The following CNTNAP2 variants were observed in gnomAD, a reference collection of about 807,000 sequenced individuals.
CNTNAP2 encodes the protein contactin associated protein 2, also known as contactin-associated protein-like 2.
CNTNAP2 carries 98 observed loss-of-function variants against 155.2 expected under a neutral mutation model. The observed-to-expected ratio is 0.63, with a 90% CI of 0.54 to 0.75. The LOEUF is 0.75. CNTNAP2 is among the 30% of genes least tolerant of loss of function. The pLI is 0.00. For synonymous variants in CNTNAP2, 651 were observed against 631.2 expected (o/e 1.03, Z -0.47); for missense variants, 1,727 against 1,688.1 (o/e 1.02, Z -0.40).
At chr7:146,877,787 T>C (rs1795460153) in intron 3 of CNTNAP2, among the ~76,000 whole-genome samples, 1 of 152,024 alleles carries the variant, frequency 6.6e-6, no homozygotes, top group South Asian at 2.1e-4. Context: ...TTTCATGATG[T>C]CACCTTCCAT....
chr7:147,673,655 G>C (rs1053111160), intron 13 of CNTNAP2, among the ~76,000 whole-genome samples: 17 of 152,124 alleles, frequency 1.1e-4, no homozygotes, highest in African/African-American at 4.1e-4. Context: ...TGATGATGTT[G>C]GTAACACTCT....
chr7:146,523,537 T>C (rs969278655), intron 1 of CNTNAP2, among the ~76,000 whole-genome samples: 1 of 151,208 alleles, frequency 6.6e-6, no homozygotes, highest in Non-Finnish European at 1.5e-5. Context: ...CCTTAATCTA[T>C]TTTTTTTTAC....
At chr7:147,319,295 C>G (rs181549271) in intron 9 of CNTNAP2, among the ~76,000 whole-genome samples, 309 of 152,162 alleles carry the variant, frequency 2.0e-3, no homozygotes, top group African/African-American at 7.1e-3. Context: ...AAGTTAATCT[C>G]TTGTGTTATG....
At chr7:146,834,423 TAC>T (rs1357832725) in intron 2 of CNTNAP2, among the ~76,000 whole-genome samples, 1 of 151,712 alleles carries the variant, frequency 6.6e-6, no homozygotes, top group East Asian at 1.9e-4. Context: ...CACCATATAC[TAC>T]ACACACGCAA....
intron 9 of CNTNAP2, among the ~76,000 whole-genome samples, chr7:147,326,981 G>T (rs1795472961): frequency 6.6e-6 from 1 of 152,164 alleles, no homozygotes; most frequent in Admixed American, 6.5e-5. Flanking sequence ...ATACAAGAAT[G>T]TATGACAAAA....
chr7:147,925,132 G>A (rs1800362597), intron 14 of CNTNAP2, among the ~76,000 whole-genome samples: 1 of 52,868 alleles, frequency 1.9e-5, no homozygotes, highest in Non-Finnish European at 3.4e-5. Context: ...GAGAGAAAGA[G>A]AGAAGAGAGA....
At chr7:147,719,802 T>G (rs781534945) in intron 13 of CNTNAP2, among the ~76,000 whole-genome samples, 1 of 152,152 alleles carries the variant, frequency 6.6e-6, no homozygotes, top group Non-Finnish European at 1.5e-5. Flanking sequence ...CTCTCTTTTT[T>G]CACTTCCATT....
chr7:147,718,467 T>C (rs1166463062), intron 13 of CNTNAP2, among the ~76,000 whole-genome samples: 1 of 152,164 alleles, frequency 6.6e-6, no homozygotes, highest in East Asian at 1.9e-4. Context: ...AATTTATTAA[T>C]ATTTCCAGTT....
At chr7:146,246,260 A>G (rs1799651362) in intron 1 of CNTNAP2, among the ~76,000 whole-genome samples, 1 of 150,768 alleles carries the variant, frequency 6.6e-6, no homozygotes, top group African/African-American at 2.5e-5. Flanking sequence ...AGGAGGACGC[A>G]AAGGAGGCTT....
At chr7:147,899,892 C>CAA (rs11366376) in intron 13 of CNTNAP2, among the ~76,000 whole-genome samples, 6 of 141,976 alleles carry the variant, frequency 4.2e-5, no homozygotes, top group East Asian at 4.2e-4. Context: ...GACTCCATCT[C>CAA]AAAAAAAAAA....
chr7:147,980,933 C>CAAA lies in CNTNAP2; in HGVS notation c.2383+2965_2383+2967dup, dbSNP rs34927518. ...GTGACAGAGCAAGACTCCATCTTAA[C>CAAA]AAAAAAAAAAAAAAAAAAAAAAAGA... On this transcript the variant is annotated intron_variant, in intron 15 of 23. Transcript: ENST00000361727. Among the ~76,000 whole-genome samples, 169 of 94,000 alleles carry CAAA rather than the reference C, an allele frequency of 1.8e-3. 1 individual carries two copies. Among genetic ancestry groups the CAAA allele is most frequent in the East Asian group, 2.5e-3 (7 of 2,788 alleles). The allele number at this position is 94,000 out of a possible 152,430, so 61.7% of individuals were successfully genotyped here. A position where few individuals can be genotyped will look rare whatever the true frequency, so the allele number is the denominator to read the frequency against.
Position 146,424,928 on chromosome 7 carries a change from G to GA in CNTNAP2, c.97+307964dup, listed in dbSNP as rs1038231156. Among the ~76,000 whole-genome samples the GA allele has an allele frequency of 6.6e-5, 10 of 150,802 alleles. No homozygotes were observed. In the East Asian group the frequency reaches 7.8e-4, roughly 12 times the overall value. On this transcript the variant is annotated intron_variant, in intron 1 of 23. Coordinates refer to ENST00000361727, the MANE Select transcript of CNTNAP2 (RefSeq NM_014141.6). Reference sequence around the variant, plus strand: ...GTGTTGCAAACCTCTCTGACATATTGAAAAAAAAATTTACAAATGAAGCCT... The same window carrying GA: ...GTGTTGCAAACCTCTCTGACATATTGAAAAAAAAAATTTACAAATGAAGCCT...
chr7:146,724,383 A>C (rs991847407), intron 1 of CNTNAP2, among the ~76,000 whole-genome samples: 1 of 151,850 alleles, frequency 6.6e-6, no homozygotes, highest in Non-Finnish European at 1.5e-5. Context: ...TTGAATGAGG[A>C]TACAAGAGAT....
chr7:147,333,577 T>A (rs1199137752), intron 9 of CNTNAP2, among the ~76,000 whole-genome samples: 1 of 152,162 alleles, frequency 6.6e-6, no homozygotes, highest in Non-Finnish European at 1.5e-5. Flanking sequence ...TTTTGAAATA[T>A]CATACTTGTT....
intron 15 of CNTNAP2, among the ~76,000 whole-genome samples, chr7:148,034,323 A>C (rs140222672): frequency 1.3e-5 from 2 of 152,068 alleles, no homozygotes; most frequent in Non-Finnish European, 2.9e-5. Context: ...CCCAAAGTGC[A>C]TGTGTTGGAA....
At chr7:148,352,178 G>C (rs1006928396) in intron 21 of CNTNAP2, among the ~76,000 whole-genome samples, 1 of 152,194 alleles carries the variant, frequency 6.6e-6, no homozygotes, top group Admixed American at 6.5e-5. Flanking sequence ...AAGTAGTGAA[G>C]TGACATGGTC....
chr7:146,941,697 GCT>G (rs1797060775), intron 3 of CNTNAP2, among the ~76,000 whole-genome samples: 1 of 151,958 alleles, frequency 6.6e-6, no homozygotes, highest in Non-Finnish European at 1.5e-5. Context: ...AGCTCCCTCA[GCT>G]TTGTTTGTCT....
rs34229180 is a variant in CNTNAP2, at chr7:148,259,179, T to TAAAAAAAAAAAAA, written c.3382-7836_3382-7824dup. ...GGGCAACAAAAGCAAAACTCCGTCT[T>TAAAAAAAAAAAAA]AAAAAAAAAAAAAAAAAAAAAAAAA... On this transcript the variant is annotated intron_variant, in intron 20 of 23. Coordinates refer to ENST00000361727, the MANE Select transcript of CNTNAP2 (RefSeq NM_014141.6). Among the ~76,000 whole-genome samples the TAAAAAAAAAAAAA allele has an allele frequency of 8.3e-5, 2 of 24,026 alleles. 1 individual carries two copies. The highest frequency in any genetic ancestry group is 3.6e-4 in the African/African-American group (2 of 5,562). 15.8% of individuals were successfully genotyped at this position (24,026 alleles called of 152,430 possible). A position where few individuals can be genotyped will look rare whatever the true frequency, so the allele number is the denominator to read the frequency against.
At chr7:146,933,986 G>C (rs2129223719) in intron 3 of CNTNAP2, among the ~76,000 whole-genome samples, 1 of 152,242 alleles carries the variant, frequency 6.6e-6, no homozygotes, top group South Asian at 2.1e-4. Context: ...CTTTTACACT[G>C]TGGGTGGGAG....
Sources: allele counts gnomAD v4.1 joint callset (sites outside exome capture counted in the v4.1 genomes callset), GRCh38; gene constraint gnomAD v4.1.1; transcripts MANE v1.5; gene names NCBI Gene and HGNC (gene_info 2026-07-23, HGNC 2026-07-21).